MTERF4: variants seen among roughly 807,000 people sequenced by gnomAD.
The protein encoded by MTERF4 is mitochondrial transcription termination factor 4.
In MTERF4, 17 loss-of-function variants were observed where a neutral mutation model predicts 22.5. That is an observed-to-expected ratio of 0.75 (90% CI 0.52 to 1.13). MTERF4 has a LOEUF of 1.13. Ranked by LOEUF, MTERF4 falls within the 50% of genes most tolerant of loss-of-function variation. MTERF4 has a pLI of 0.00. For synonymous variants in MTERF4, 165 were observed against 175.3 expected (o/e 0.94, Z 0.47); for missense variants, 420 against 466.8 (o/e 0.90, Z 0.92).
the MTERF4 span, among the ~76,000 whole-genome samples, chr2:241,043,430 A>G: frequency 6.6e-6 from 1 of 152,220 alleles, no homozygotes; most frequent in African/African-American, 2.4e-5. Context: ...TCAAAAGTTA[A>G]GCTGAAATAA....
rs570393211 is a variant in MTERF4, at chr2:241,096,909, A to G, written c.705+334T>C. 1 of 588,626 alleles carries G rather than the reference A, an allele frequency of 1.7e-6. No homozygotes were observed. Among genetic ancestry groups the G allele is most frequent in the Non-Finnish European group, 3.0e-6 (1 of 334,190 alleles). 36.5% of individuals were successfully genotyped at this position (588,626 alleles called of 1,614,324 possible). ...CAGCTATTTTAAAATTAGCTATTTC[A>G]GAGTCCCCACTTAGACTCTAAGAAT... is the stretch of plus-strand genomic sequence containing the variant. On this transcript the variant is annotated intron_variant, in intron 3 of 3. Transcript: ENST00000391980. This position sits in a 1 kb window ranked among gnomAD's most constrained non-coding sequence, Gnocchi z 5.1.
chr2:241,043,793 G>A, the MTERF4 span, among the ~76,000 whole-genome samples: 7 of 152,298 alleles, frequency 4.6e-5, no homozygotes, highest in South Asian at 1.5e-3. Context: ...CTCTACCATT[G>A]TAATGTGAAA....
rs1298618724 is a variant in MTERF4 at position 241,072,337 on chromosome 2, AGGTGCCTTG to A, written n.3816_3824del. ...CGGTGGCAGCAAGGCTGATGGGCCC[AGGTGCCTTG>A]GGCCCTTCCCACCGGGTTTACTGGG... On this transcript the variant is annotated non_coding_transcript_exon_variant, in exon 5 of 5. Coordinates refer to the MTERF4 transcript ENST00000464344. 1.7e-5 allele frequency: 7 copies of A among 404,390 alleles called. No individual in the cohort carries two copies. In the East Asian group the frequency reaches 2.8e-4, roughly 16 times the overall value. 25.1% of individuals were successfully genotyped at this position (404,390 alleles called of 1,614,324 possible).
chr2:241,076,817 C>T (rs541121789), intron 4 of MTERF4, among the ~76,000 whole-genome samples: 2 of 152,290 alleles, frequency 1.3e-5, no homozygotes, highest in South Asian at 2.1e-4. Flanking sequence ...CAGGGCCGGG[C>T]GCAGTGGCTC....
chr2:241,062,828 G>A, the MTERF4 span: 1 of 1,611,974 alleles, frequency 6.2e-7, no homozygotes, highest in South Asian at 1.1e-5. Context: ...GCCTGCATGG[G>A]GGCTCTTGTC....
the MTERF4 span, among the ~76,000 whole-genome samples, chr2:241,058,815 T>C: frequency 1.3e-5 from 2 of 151,970 alleles, no homozygotes; most frequent in African/African-American, 4.8e-5. Context: ...CTGGGCGAGG[T>C]GGCGGGCGCC....
At chr2:241,069,831 C>T (rs1011808617), downstream of MTERF4, 15 of 1,445,280 alleles carry the variant, frequency 1.0e-5, no homozygotes, top group African/African-American at 7.0e-5. The surrounding 1 kb of genome is among the most constrained non-coding windows in gnomAD (Gnocchi z 4.9). Flanking sequence ...AGCAAGGCTG[C>T]GGCAGCCCAT....
chr2:241,062,978 C>T, the MTERF4 span: 10 of 960,552 alleles, frequency 1.0e-5, no homozygotes, highest in South Asian at 8.4e-5. Context: ...CTGGGTCCCC[C>T]GGACAGGTCT....
chr2:241,099,687 G>A lies in MTERF4; in HGVS notation c.229C>T (p.Leu77Phe), dbSNP rs139728817. 6.2e-7 allele frequency: 1 copy of A among 1,614,058 alleles called. No individual in the cohort carries two copies. Among genetic ancestry groups the A allele is most frequent in the African/African-American group, 1.3e-5 (1 of 74,902 alleles). The change falls in exon 2 of 4, where the codon CTC (leucine) becomes TTC (phenylalanine). Residue 77 changes from leucine to phenylalanine, a missense_variant. By Grantham distance (22) the Leu-to-Phe change is conservative (BLOSUM62 0). Coordinates refer to ENST00000391980, the MANE Select transcript of MTERF4 (RefSeq NM_182501.4). Reference protein sequence around the residue: ...PECRRNLVQCLLEKQGTPVVQ... With the variant: ...PECRRNLVQCFLEKQGTPVVQ... ...ACAGGAGTCCCCTGCTTCTCAAGGAGGCACTGAACAAGATTCCTCCTGCAC... is the reference window on the plus strand; with the variant it reads ...ACAGGAGTCCCCTGCTTCTCAAGGAAGCACTGAACAAGATTCCTCCTGCAC...
Position 241,077,361 on chromosome 2 carries a change from T to C in MTERF4, n.480-1679A>G, listed in dbSNP as rs546039453. On this transcript the variant is annotated intron_variant and non_coding_transcript_variant, in intron 4 of 4. Coordinates refer to the MTERF4 transcript ENST00000464344. ...AGTAAATCTTCATGACCTTCGATCA[T>C]GAGGGTCCTTAGGCTCAACAATAAA... Among the ~76,000 whole-genome samples, 3 of 152,294 alleles carry C rather than the reference T, an allele frequency of 2.0e-5. No individual in the cohort carries two copies. The East Asian group carries it at 5.8e-4, about 29-fold the overall frequency.
intron 3 of MTERF4, 110 bp downstream of exon 3, chr2:241,097,133 T>C: frequency 7.6e-7 from 1 of 1,314,944 alleles, no homozygotes; most frequent in Non-Finnish European, 1.1e-6. Flanking sequence ...AGAAACTTGC[T>C]GTTACTACAC....
intron 2 of MTERF4, 133 bp from the exon 3 acceptor site, chr2:241,097,560 T>G: frequency 1.3e-6 from 1 of 781,494 alleles, no homozygotes; most frequent in South Asian, 1.8e-5. Flanking sequence ...CAAGTGGCAA[T>G]TTCAGATCTA....
chr2:241,064,864 A>C, the MTERF4 span: 1 of 1,587,694 alleles, frequency 6.3e-7, no homozygotes, highest in Non-Finnish European at 8.5e-7. This position sits in a 1 kb window ranked among gnomAD's most constrained non-coding sequence, Gnocchi z 7.0. Flanking sequence ...CTGCTTCTCC[A>C]GCCCCTGTGG....
At chr2:241,070,065 C>A, downstream of MTERF4, 1 of 1,613,108 alleles carries the variant, frequency 6.2e-7, no homozygotes, top group Non-Finnish European at 8.5e-7. Context: ...GCCGCTATGT[C>A]CCCAACGGGA....
At chr2:241,081,968 A>G (rs918911492) in intron 4 of MTERF4, among the ~76,000 whole-genome samples, 3 of 152,214 alleles carry the variant, frequency 2.0e-5, no homozygotes, top group African/African-American at 7.2e-5. Flanking sequence ...TGCTGCCCCA[A>G]GCACCAGGAT....
intron 3 of MTERF4, 35 bp downstream of exon 3, chr2:241,097,208 G>A (rs758876079): frequency 1.2e-6 from 2 of 1,607,350 alleles, no homozygotes; most frequent in Admixed American, 1.7e-5. Flanking sequence ...ATTCTCACCT[G>A]AAACTACGCT....
chr2:241,052,360 T>C, the MTERF4 span: 27 of 1,570,494 alleles, frequency 1.7e-5, no homozygotes, highest in East Asian at 2.5e-4. Context: ...GGCAGCCCCC[T>C]CCCCCTGCTT....
chr2:241,049,171 G>T, the MTERF4 span: 19 of 1,535,864 alleles, frequency 1.2e-5, no homozygotes, highest in Non-Finnish European at 1.7e-5. Flanking sequence ...TGGGCCGGGG[G>T]CCCGGACAGA....
chr2:241,060,577 A>G, the MTERF4 span, among the ~76,000 whole-genome samples: 2 of 152,208 alleles, frequency 1.3e-5, no homozygotes, highest in Non-Finnish European at 2.9e-5. Flanking sequence ...GAAAAATATT[A>G]TATTGGTTCT....
Sources: gnomAD v4.1 joint callset for allele counts (sites outside exome capture counted in the v4.1 genomes callset) on GRCh38, gnomAD v4.1.1 for gene constraint, Gnocchi (gnomAD v3.1) non-coding constraint, MANE v1.5 for transcripts, NCBI Gene and HGNC (gene_info 2026-07-23, HGNC 2026-07-21) for gene names.